LRRK1: variants seen among roughly 807,000 people sequenced by gnomAD.
The protein encoded by LRRK1 is leucine-rich repeat serine/threonine-protein kinase 1.
Under a neutral mutation model 209.1 loss-of-function variants are expected in LRRK1, and 113 were observed. That is an observed-to-expected ratio of 0.54 (90% CI 0.46 to 0.63). LRRK1 has a LOEUF of 0.63. LRRK1 is among the 30% of genes least tolerant of loss of function. The probability of loss-of-function intolerance (pLI) is 0.00; values close to 1 mark genes in which losing one functional copy is unlikely to be tolerated. For missense variants in LRRK1, 2,284 were observed against 2,632.2 expected, an observed-to-expected ratio of 0.87 and a Z score of 2.89; for synonymous variants, 1,144 against 1,099.7, an observed-to-expected ratio of 1.04 and a Z score of -0.80.
In LRRK1 at chr15:101,022,533, A is replaced by G; in HGVS notation, c.2003A>G (p.His668Arg). Reference sequence around the variant, plus strand: ...ACGGGGAGGGCCCCCCAGGTGGTGCATGGAGAGGCCACCATCAGGACCACC... The same window carrying G: ...ACGGGGAGGGCCCCCCAGGTGGTGCGTGGAGAGGCCACCATCAGGACCACC... ...LQTGRAPQVVHGEATIRTTKW... is the reference protein window; with the variant it reads ...LQTGRAPQVVRGEATIRTTKW... Residue 668 changes from histidine (H) to arginine (R), a missense_variant, in exon 15 of 34, where the codon CAT becomes CGT. By Grantham distance (29) the His-to-Arg change is conservative (BLOSUM62 0). This residue lies in a region of LRRK1 where 494 missense variants were observed against 522.1 expected (regional missense o/e 0.95). Coordinates refer to ENST00000388948, the MANE Select transcript of LRRK1 (RefSeq NM_024652.6). This position sits in a 1 kb window ranked among gnomAD's most constrained non-coding sequence, Gnocchi z 4.0. 1 of 1,614,060 alleles carries G rather than the reference A, an allele frequency of 6.2e-7. No homozygotes were observed. The highest frequency in any genetic ancestry group is 8.5e-7 in the Non-Finnish European group (1 of 1,180,014).
At position 101,074,852 on chromosome 15, in the gene LRRK1, A is replaced by C. The variant is rs2036925785; in HGVS notation, c.*6004A>C. On this transcript the variant is annotated 3_prime_UTR_variant, in exon 34 of 34. Coordinates refer to ENST00000388948, the MANE Select transcript of LRRK1 (RefSeq NM_024652.6). ...GGCCACCAGGCCAAGGAATGCCTGC[A>C]GCCCAGGATTCCTCCTAAGCCGTGT... is the stretch of plus-strand genomic sequence containing the variant. The C allele has an allele frequency of 1.3e-5, 2 of 152,030 alleles. 1 individual carries two copies. The highest frequency in any genetic ancestry group is 4.1e-4 in the South Asian group (2 of 4,832). The allele number at this position is 152,030 out of a possible 1,614,324, so 9.4% of individuals were successfully genotyped here. A position where few individuals can be genotyped will look rare whatever the true frequency, so the allele number is the denominator to read the frequency against.
At chr15:101,012,701 C>T (rs4965759) in intron 10 of LRRK1, among the ~76,000 whole-genome samples, 299 of 152,294 alleles carry the variant, frequency 2.0e-3, no homozygotes, top group Non-Finnish European at 3.3e-3. Context: ...GCCAGGACCC[C>T]CACGGGCACT....
At chr15:101,049,509 C>T in intron 22 of LRRK1, 135 bp from the exon 23 acceptor site, 2 of 955,622 alleles carry the variant, frequency 2.1e-6, no homozygotes, top group Non-Finnish European at 3.1e-6. Flanking sequence ...AGGGAGGAGT[C>T]CCCCATCGGT....
chr15:100,923,241 C>A (rs1372757272), intron 1 of LRRK1, among the ~76,000 whole-genome samples: 1 of 152,166 alleles, frequency 6.6e-6, no homozygotes, highest in Non-Finnish European at 1.5e-5. Flanking sequence ...GGGTGGATGT[C>A]TATTTTTAAC....
chr15:100,936,241 A>T (rs141646312), intron 2 of LRRK1, among the ~76,000 whole-genome samples: 1 of 152,376 alleles, frequency 6.6e-6, no homozygotes, highest in East Asian at 1.9e-4. Context: ...TTACAGGTAC[A>T]GCCAGAACGC....
At chr15:101,030,185 G>T (rs938465808) in intron 20 of LRRK1, among the ~76,000 whole-genome samples, 4 of 151,918 alleles carry the variant, frequency 2.6e-5, no homozygotes, top group Non-Finnish European at 5.9e-5. Context: ...TGTGCTGGTC[G>T]CCAGGTAGCC....
intron 6 of LRRK1, among the ~76,000 whole-genome samples, chr15:100,998,901 T>C (rs2141680308): frequency 6.6e-6 from 1 of 152,268 alleles, no homozygotes; most frequent in East Asian, 1.9e-4. Context: ...GGTGGGTGGA[T>C]AGATGGATGG....
Position 100,971,791 on chromosome 15 carries a change from C to T in LRRK1, c.98-2013C>T, listed in dbSNP as rs372123745. On this transcript the variant is annotated intron_variant, in intron 2 of 33. Coordinates refer to ENST00000388948, the MANE Select transcript of LRRK1 (RefSeq NM_024652.6). ...CGTCCTCCCTGCTCCGACACTCACC[C>T]TTCTCAGTCTCTGTTAGCTGTTTTT... Among the ~76,000 whole-genome samples the T allele has an allele frequency of 9.9e-5, 15 of 152,240 alleles. No individual in the cohort carries two copies. In the South Asian group the frequency reaches 3.1e-3, roughly 32 times the overall value.
chr15:100,947,381 G>T lies in LRRK1; in HGVS notation c.97+22652G>T, dbSNP rs1239675961. Reference sequence around the variant, plus strand: ...CATTCCTATGGAAAGAAATGCAAATGAAAACCAATTATGAGATATCTTATT... The same window carrying T: ...CATTCCTATGGAAAGAAATGCAAATTAAAACCAATTATGAGATATCTTATT... On this transcript the variant is annotated intron_variant, in intron 2 of 33. Transcript: ENST00000388948. Among the ~76,000 whole-genome samples the T allele has an allele frequency of 5.3e-5, 8 of 152,258 alleles. No individual in the cohort carries two copies. The East Asian group carries it at 1.3e-3, about 26-fold the overall frequency.
intron 2 of LRRK1, among the ~76,000 whole-genome samples, chr15:100,963,983 A>G (rs1042318965): frequency 3.9e-5 from 6 of 152,212 alleles, no homozygotes; most frequent in Admixed American, 6.5e-5. Context: ...ATGTATAACC[A>G]TCCATCTCCC....
chr15:101,064,933 G>A (rs927782973), intron 31 of LRRK1: 5 of 221,818 alleles, frequency 2.3e-5, no homozygotes, highest in Admixed American at 5.2e-5. Flanking sequence ...CCCCACTGCT[G>A]TCATGTTAAG....
rs762111517 is a variant in LRRK1, at chr15:101,027,302, G to C, written c.2447G>C (p.Arg816Pro). 6.2e-7 allele frequency: 1 copy of C among 1,614,006 alleles called. No homozygotes were observed. Among genetic ancestry groups the C allele is most frequent in the African/African-American group, 1.3e-5 (1 of 74,918 alleles). The change falls in exon 18 of 34, where the codon CGA (arginine) becomes CCA (proline). Residue 816 changes from arginine (R) to proline (P), a missense_variant. Coordinates refer to ENST00000388948, the MANE Select transcript of LRRK1 (RefSeq NM_024652.6). This position sits in a 1 kb window ranked among gnomAD's most constrained non-coding sequence, Gnocchi z 5.1. ...CKSLEGQEGL[R>P]QLIFHVTCSM... is the part of the protein sequence containing the mutation. ...AGCCTGGAAGGTCAGGAAGGGCTGC[G>C]ACAGCTGATTTTCCACGTCACGTGC...
intron 2 of LRRK1, among the ~76,000 whole-genome samples, chr15:100,942,014 T>C (rs900663608): frequency 6.6e-6 from 1 of 152,218 alleles, no homozygotes; most frequent in Admixed American, 6.5e-5. Flanking sequence ...TCCGGTCTTC[T>C]CAGGTCACTT....
chr15:100,926,583 A>T, intron 2 of LRRK1, among the ~76,000 whole-genome samples: 1 of 67,726 alleles, frequency 1.5e-5, no homozygotes, highest in Non-Finnish European at 2.7e-5. Context: ...GACCCACTGG[A>T]GCAGCATCTT....
chr15:101,028,248 A>T (rs1035026512), intron 19 of LRRK1, among the ~76,000 whole-genome samples: 2 of 152,204 alleles, frequency 1.3e-5, no homozygotes, highest in Admixed American at 6.5e-5. Flanking sequence ...GTCAGTACAG[A>T]ACCTTGTTTT....
At chr15:100,929,932 T>C (rs1277992608) in intron 2 of LRRK1, among the ~76,000 whole-genome samples, 1 of 152,236 alleles carries the variant, frequency 6.6e-6, no homozygotes, top group African/African-American at 2.4e-5. Flanking sequence ...AGGTGGCAGT[T>C]AGCACAGCTG....
chr15:101,067,311 CAG>C, intron 33 of LRRK1: 1 of 456,206 alleles, frequency 2.2e-6, no homozygotes, highest in Non-Finnish European at 4.4e-6. Flanking sequence ...TACATGGTTG[CAG>C]TGATGTGAGG....
In LRRK1 at chr15:101,066,747, A is replaced by G; in HGVS notation, c.5870+6A>G. ...CGAGAGCTGACTCCGCATGGGTAAG[A>G]CTGAGTGGCAGCTCCTTTAGGACCC... On this transcript the variant is annotated splice_donor_region_variant and intron_variant, in intron 33 of 33. Coordinates refer to ENST00000388948, the MANE Select transcript of LRRK1 (RefSeq NM_024652.6). 6.2e-7 allele frequency: 1 copy of G among 1,610,954 alleles called. No individual in the cohort carries two copies. The highest frequency in any genetic ancestry group is 8.5e-7 in the Non-Finnish European group (1 of 1,177,090).
At chr15:101,006,981 C>A (rs957214020) in intron 6 of LRRK1, among the ~76,000 whole-genome samples, 5 of 152,232 alleles carry the variant, frequency 3.3e-5, no homozygotes, top group African/African-American at 1.2e-4. Flanking sequence ...TCCAGTGCCG[C>A]CCTTCCCTTT....
Sources: gnomAD v4.1 joint callset for allele counts (sites outside exome capture counted in the v4.1 genomes callset) on GRCh38, gnomAD v4.1.1 for gene constraint, gnomAD v4.1.1 regional missense constraint, Gnocchi (gnomAD v3.1) non-coding constraint, MANE v1.5 for transcripts, NCBI Gene and HGNC (gene_info 2026-07-23, HGNC 2026-07-21) for gene names.